Variants in TBCD observed in about 807,000 individuals in gnomAD.
The protein encoded by TBCD is tubulin folding cofactor D, also known as tubulin-specific chaperone D.
A neutral mutation model predicts 169.3 loss-of-function variants in TBCD; 105 were observed. The observed-to-expected ratio is 0.62, with a 90% CI of 0.53 to 0.73. TBCD has a LOEUF of 0.73. Ranked by LOEUF, TBCD falls within the 30% of genes least tolerant of loss-of-function variation. TBCD has a pLI of 0.00. For synonymous variants in TBCD, 700 were observed against 643.9 expected (o/e 1.09, Z -1.32); for missense variants, 1,444 against 1,600.1 (o/e 0.90, Z 1.66).
intron 23 of TBCD, among the ~76,000 whole-genome samples, chr17:82,912,446 C>T (rs1287460460): frequency 6.6e-6 from 1 of 152,212 alleles, no homozygotes; most frequent in Non-Finnish European, 1.5e-5. Flanking sequence ...AGCCTGATTT[C>T]ATAGACATTC....
chr17:82,908,195 C>T (rs1023812519), intron 21 of TBCD: 7 of 405,242 alleles, frequency 1.7e-5, no homozygotes, highest in South Asian at 7.3e-5. Context: ...TGCGGTCCCA[C>T]GATGGAGCGT....
chr17:82,917,019 C>CTTTTTTT (rs59331670), intron 23 of TBCD, among the ~76,000 whole-genome samples: 1,884 of 108,292 alleles, frequency 0.017, 29 homozygotes, highest in Non-Finnish European at 0.022. Context: ...TTTTTCTTTT[C>CTTTTTTT]TTTTCTTTTT....
At chr17:82,758,420 T>TAAATAAA (rs1235412332) in intron 2 of TBCD, among the ~76,000 whole-genome samples, 6 of 83,826 alleles carry the variant, frequency 7.2e-5, no homozygotes, top group African/African-American at 8.1e-5. Flanking sequence ...AATAAATAAA[T>TAAATAAA]TTTTTTTTTT....
intron 2 of TBCD, among the ~76,000 whole-genome samples, chr17:82,762,980 C>T (rs2047843452): frequency 1.3e-5 from 2 of 152,110 alleles, no homozygotes; most frequent in African/African-American, 2.4e-5. Flanking sequence ...TGCAGCCCAG[C>T]GTATGGTCTG....
rs1397069188 is a variant in TBCD, at chr17:82,770,460, G to A, written c.582+1894G>A. 3.9e-5 allele frequency among the ~76,000 whole-genome samples: 6 copies of A among 152,016 alleles called. No individual in the cohort carries two copies. In the South Asian group the frequency reaches 8.3e-4, roughly 21 times the overall value. On this transcript the variant is annotated intron_variant, in intron 5 of 38. Coordinates refer to ENST00000355528, the MANE Select transcript of TBCD (RefSeq NM_005993.5). The stretch of plus-strand genomic sequence containing the variant: ...ACTAAAAATACAACATTAGCTGGGC[G>A]TGGTGGCACGTGCCTGTAGTCCCAG...
rs533862480 is a variant in TBCD at position 82,930,364 on chromosome 17, G to C, written c.2992-158G>C. 1 of 1,070,190 alleles carries C rather than the reference G, an allele frequency of 9.3e-7. No individual in the cohort carries two copies. The highest frequency in any genetic ancestry group is 1.7e-5 in the South Asian group (1 of 59,974). The allele number at this position is 1,070,190 out of a possible 1,614,324, so 66.3% of individuals were successfully genotyped here. ...GGGTGTCTGCACTGTGAGTGGCTCC[G>C]TGCTGGCGTCCGCACCAGCCGCTTG... On this transcript the variant is annotated intron_variant, in intron 32 of 38. Coordinates refer to ENST00000355528, the MANE Select transcript of TBCD (RefSeq NM_005993.5). The surrounding 1 kb of genome is among the most constrained non-coding windows in gnomAD (Gnocchi z 5.2).
At chr17:82,871,378 G>A (rs1351729947) in intron 14 of TBCD, among the ~76,000 whole-genome samples, 2 of 152,200 alleles carry the variant, frequency 1.3e-5, no homozygotes, top group South Asian at 2.1e-4. Context: ...AGCTGGAGGC[G>A]GGACACCGAG....
intron 21 of TBCD, among the ~76,000 whole-genome samples, chr17:82,908,084 G>A (rs968517930): frequency 8.5e-5 from 13 of 152,250 alleles, no homozygotes; most frequent in African/African-American, 2.9e-4. Context: ...TGTGCACGTA[G>A]CCAGCATGTC....
At chr17:82,822,757 C>T (rs1240529302) in intron 13 of TBCD, among the ~76,000 whole-genome samples, 5 of 152,166 alleles carry the variant, frequency 3.3e-5, no homozygotes, top group East Asian at 1.9e-4. Flanking sequence ...CTGAACTCAA[C>T]GACTTTGCTG....
intron 13 of TBCD, among the ~76,000 whole-genome samples, chr17:82,837,832 C>G (rs1028822404): frequency 5.9e-5 from 9 of 152,216 alleles, no homozygotes; most frequent in African/African-American, 1.9e-4. Flanking sequence ...CCGAGCCTGG[C>G]CTGGCACAAA....
chr17:82,808,180 C>T (rs899057158), intron 11 of TBCD, among the ~76,000 whole-genome samples: 1 of 152,174 alleles, frequency 6.6e-6, no homozygotes, highest in African/African-American at 2.4e-5. Context: ...ACAGGTGGAG[C>T]CCTGGCCTGG....
chr17:82,940,406 G>A (rs981962382), intron 37 of TBCD, among the ~76,000 whole-genome samples: 8 of 152,254 alleles, frequency 5.3e-5, no homozygotes, highest in African/African-American at 1.4e-4. Flanking sequence ...GAGGGCCTCC[G>A]TGCTGATCCC....
chr17:82,907,337 T>C (rs1288716532), intron 20 of TBCD, among the ~76,000 whole-genome samples: 1 of 152,120 alleles, frequency 6.6e-6, no homozygotes, highest in African/African-American at 2.4e-5. Flanking sequence ...GGTCACAGCT[T>C]TAAGGGGATG....
At chr17:82,823,264 C>G (rs1356644439) in intron 13 of TBCD, among the ~76,000 whole-genome samples, 2 of 152,218 alleles carry the variant, frequency 1.3e-5, no homozygotes, top group East Asian at 3.9e-4. Flanking sequence ...CCCTGCAGGC[C>G]TGTGTACCTC....
chr17:82,941,820 A>G, intron 38 of TBCD: 1 of 341,132 alleles, frequency 2.9e-6, no homozygotes, highest in South Asian at 5.5e-5. Flanking sequence ...ACCCCTCCTC[A>G]TCTGCTTCCC....
Position 82,823,022 on chromosome 17 carries a change from G to A in TBCD, c.1318+8088G>A, listed in dbSNP as rs141506250. Among the ~76,000 whole-genome samples the A allele has an allele frequency of 6.3e-4, 96 of 152,346 alleles. 1 individual carries two copies. The highest frequency in any genetic ancestry group is 6.8e-3 in the Middle Eastern group (2 of 294). ...TTCAGAAGGGATATTTTATAGGAGA[G>A]GAGTCCGATTCTGAGAGGGGGAAGG... On this transcript the variant is annotated intron_variant, in intron 13 of 38. Coordinates refer to ENST00000355528, the MANE Select transcript of TBCD (RefSeq NM_005993.5).
chr17:82,935,618 A>G (rs1215564356), intron 34 of TBCD, among the ~76,000 whole-genome samples: 1 of 152,170 alleles, frequency 6.6e-6, no homozygotes, highest in Non-Finnish European at 1.5e-5. Context: ...ACGTATTCTT[A>G]GCGAAGTCCA....
In TBCD at chr17:82,874,853, G is replaced by A. The variant is rs909694934; in HGVS notation, c.1475+4473G>A. ...ATTTTAATTACCAGCTTTTATGCCC[G>A]TCAATTTGGGAACGTGATACAATCT... On this transcript the variant is annotated intron_variant, in intron 14 of 38. Coordinates refer to ENST00000355528, the MANE Select transcript of TBCD (RefSeq NM_005993.5). The surrounding 1 kb of genome is among the most constrained non-coding windows in gnomAD (Gnocchi z 5.0). Among the ~76,000 whole-genome samples the A allele has an allele frequency of 6.6e-6, 1 of 152,152 alleles. No homozygotes were observed. The highest frequency in any genetic ancestry group is 2.4e-5 in the African/African-American group (1 of 41,424).
At chr17:82,898,468 T>C (rs1363707909) in intron 17 of TBCD, among the ~76,000 whole-genome samples, 2 of 151,956 alleles carry the variant, frequency 1.3e-5, no homozygotes, top group Non-Finnish European at 2.9e-5. Context: ...TTCGTTTTCT[T>C]TTCCTATGTG....
Sources: allele counts gnomAD v4.1 joint callset (sites outside exome capture counted in the v4.1 genomes callset), GRCh38; gene constraint gnomAD v4.1.1; non-coding constraint Gnocchi (gnomAD v3.1); transcripts MANE v1.5; gene names NCBI Gene and HGNC (gene_info 2026-07-23, HGNC 2026-07-21).